Variants in BORCS5 observed in about 807,000 individuals in gnomAD.
BORCS5 encodes BLOC-1 related complex subunit 5, also known as BLOC-1-related complex subunit 5.
In BORCS5, 17 loss-of-function variants were observed where a neutral mutation model predicts 22.1. That is an observed-to-expected ratio of 0.77 (90% CI 0.53 to 1.15). The LOEUF (loss-of-function observed/expected upper bound fraction) is 1.15, where lower values mean the gene tolerates loss of function less well. BORCS5 is among the 50% of genes most tolerant of loss of function. The probability of loss-of-function intolerance (pLI) is 0.00; values close to 1 mark genes in which losing one functional copy is unlikely to be tolerated. For missense variants in BORCS5, 247 were observed against 253.2 expected (o/e 0.98, Z 0.17); for synonymous variants, 117 against 99.8 (o/e 1.17, Z -1.03).
At chr12:12,393,209 T>C (rs1214357503) in intron 2 of BORCS5, among the ~76,000 whole-genome samples, 4 of 152,064 alleles carry the variant, frequency 2.6e-5, no homozygotes, top group African/African-American at 9.7e-5. Flanking sequence ...CACTCCAGCC[T>C]GGGTGACAGA....
chr12:12,452,923 G>A (rs1592139003), intron 3 of BORCS5, among the ~76,000 whole-genome samples: 2 of 152,298 alleles, frequency 1.3e-5, no homozygotes, highest in African/African-American at 4.8e-5. Context: ...CCATGGTCTG[G>A]TGGGGATAGA....
At chr12:12,398,593 T>G (rs751170506) in intron 2 of BORCS5, among the ~76,000 whole-genome samples, 1 of 152,158 alleles carries the variant, frequency 6.6e-6, no homozygotes, top group Non-Finnish European at 1.5e-5. Context: ...ATGGCCCCTG[T>G]AGCTCTTTTG....
chr12:12,412,710 A>G (rs1941768119), intron 2 of BORCS5, among the ~76,000 whole-genome samples: 1 of 152,102 alleles, frequency 6.6e-6, no homozygotes, highest in Admixed American at 6.6e-5. Flanking sequence ...TCTTAGAGGG[A>G]AAGCTTTCAG....
chr12:12,402,093 A>G (rs1941495301), intron 2 of BORCS5, among the ~76,000 whole-genome samples: 1 of 151,692 alleles, frequency 6.6e-6, no homozygotes, highest in Admixed American at 6.6e-5. Context: ...AAGTGTAAAC[A>G]GCTGGATAAC....
chr12:12,462,794 C>A (rs111950425), intron 3 of BORCS5, among the ~76,000 whole-genome samples: 1 of 152,098 alleles, frequency 6.6e-6, no homozygotes, highest in African/African-American at 2.4e-5. Flanking sequence ...GTAGTTGGGA[C>A]TATAGGCGCA....
rs1943291052 is a variant in BORCS5 at position 12,471,022 on chromosome 12, A to G, written c.*5246A>G. Among the ~76,000 whole-genome samples the G allele has an allele frequency of 1.3e-5, 2 of 152,192 alleles. No individual in the cohort carries two copies. Among genetic ancestry groups the G allele is most frequent in the African/African-American group, 4.8e-5 (2 of 41,446 alleles). ...GGTCTTTGGAATTGTCATAATTCTG[A>G]CAGAGAACACAGACCATTACTGAAT... On this transcript the variant is annotated 3_prime_UTR_variant, in exon 4 of 4. Coordinates refer to ENST00000314565, the MANE Select transcript of BORCS5 (RefSeq NM_058169.6).
chr12:12,400,984 A>G (rs1941458360), intron 2 of BORCS5, among the ~76,000 whole-genome samples: 1 of 152,196 alleles, frequency 6.6e-6, no homozygotes, highest in Admixed American at 6.5e-5. Context: ...CCATGTTGAT[A>G]TATGTCTCAC....
intron 2 of BORCS5, among the ~76,000 whole-genome samples, chr12:12,403,305 CAA>C (rs992112128): frequency 1.3e-5 from 2 of 152,162 alleles, no homozygotes; most frequent in Non-Finnish European, 2.9e-5. Context: ...ATCATAAAAT[CAA>C]AGATATTTCT....
chr12:12,407,362 A>G (rs1941616408), intron 2 of BORCS5, among the ~76,000 whole-genome samples: 1 of 149,668 alleles, frequency 6.7e-6, no homozygotes, highest in Admixed American at 6.7e-5. Context: ...ATCCTTTTAT[A>G]GTTTTCATTT....
intron 3 of BORCS5, among the ~76,000 whole-genome samples, chr12:12,449,549 C>T (rs149092941): frequency 1.1e-4 from 16 of 152,230 alleles, no homozygotes; most frequent in South Asian, 6.2e-4. Flanking sequence ...AAGAAGGCAT[C>T]GGGGAAACTG....
At chr12:12,457,922 CCGCT>C (rs1208734426) in intron 3 of BORCS5, among the ~76,000 whole-genome samples, 4 of 152,296 alleles carry the variant, frequency 2.6e-5, no homozygotes, top group East Asian at 3.9e-4. Flanking sequence ...TCATGAATAG[CCGCT>C]CCTCATTTGG....
chr12:12,390,787 T>TA (rs57681818), intron 2 of BORCS5, among the ~76,000 whole-genome samples: 39,707 of 146,116 alleles, frequency 0.27, 6,183 homozygotes, highest in Non-Finnish European at 0.35. Context: ...CCCTGTCTCT[T>TA]AAAAAAAAAA....
chr12:12,398,329 A>G (rs1427574395), intron 2 of BORCS5, among the ~76,000 whole-genome samples: 2 of 152,020 alleles, frequency 1.3e-5, no homozygotes, highest in Non-Finnish European at 2.9e-5. Context: ...GGGAGGAGGG[A>G]TTGTGGGCAA....
Position 12,427,340 on chromosome 12 carries a change from C to T in BORCS5, c.203-8288C>T, listed in dbSNP as rs1942314544. ...GGACTACAGGCACCCGCCACCACGC[C>T]CAGCTAATTTTTTGTATTTTTACTA... On this transcript the variant is annotated intron_variant, in intron 2 of 3. Coordinates refer to ENST00000314565, the MANE Select transcript of BORCS5 (RefSeq NM_058169.6). 2.0e-5 allele frequency among the ~76,000 whole-genome samples: 3 copies of T among 151,978 alleles called. No homozygotes were observed. The South Asian group carries it at 6.2e-4, about 32-fold the overall frequency.
chr12:12,456,495 C>T (rs988784848), intron 3 of BORCS5, among the ~76,000 whole-genome samples: 3 of 152,196 alleles, frequency 2.0e-5, no homozygotes, highest in Admixed American at 6.5e-5. Context: ...AGCATCAAAG[C>T]TTATTTTATG....
At chr12:12,447,131 C>T (rs573043818) in intron 3 of BORCS5, among the ~76,000 whole-genome samples, 3 of 152,296 alleles carry the variant, frequency 2.0e-5, no homozygotes, top group East Asian at 3.9e-4. Context: ...GAGTCTGTCA[C>T]TCACCTGCCT....
chr12:12,386,769 C>A (rs1026689557), intron 2 of BORCS5, among the ~76,000 whole-genome samples: 2 of 151,382 alleles, frequency 1.3e-5, no homozygotes, highest in African/African-American at 4.9e-5. Context: ...CGTGCCCGGC[C>A]TTTGCTCCTG....
At chr12:12,452,565 G>C (rs1462287935) in intron 3 of BORCS5, 16 of 346,280 alleles carry the variant, frequency 4.6e-5, no homozygotes, top group Non-Finnish European at 8.0e-5. Flanking sequence ...TCTTGCCGGC[G>C]ATCCTTCCCC....
chr12:12,446,518 TAG>T (rs1325714989), intron 3 of BORCS5, among the ~76,000 whole-genome samples: 1 of 152,200 alleles, frequency 6.6e-6, no homozygotes, highest in Admixed American at 6.5e-5. Flanking sequence ...TGTTCTGAAC[TAG>T]AGTCTTATTT....
Sources: gnomAD v4.1 joint callset for allele counts (sites outside exome capture counted in the v4.1 genomes callset) on GRCh38, gnomAD v4.1.1 for gene constraint, MANE v1.5 for transcripts, NCBI Gene and HGNC (gene_info 2026-07-23, HGNC 2026-07-21) for gene names.